Variants in MAPK10 observed in about 807,000 individuals in gnomAD.
MAPK10 encodes the protein mitogen-activated protein kinase 10, also known as JNK3 alpha protein kinase.
Under a neutral mutation model 59.3 loss-of-function variants are expected in MAPK10, and 25 were observed. That is an observed-to-expected ratio of 0.42 (90% CI 0.31 to 0.59). The LOEUF is 0.59. MAPK10 is among the 20% of genes least tolerant of loss of function. The pLI is 0.15. For synonymous variants in MAPK10, 190 were observed against 200.5 expected (o/e 0.95, Z 0.44); for missense variants, 351 against 568.9 (o/e 0.62, Z 3.90).
chr4:86,074,411 T>G lies in MAPK10; in HGVS notation c.803-6456A>C, dbSNP rs769925110. Among the ~76,000 whole-genome samples the G allele has an allele frequency of 9.8e-4, 149 of 151,454 alleles. 1 individual carries two copies. Among genetic ancestry groups the G allele is most frequent in the Admixed American group, 2.6e-3 (39 of 15,240 alleles). On this transcript the variant is annotated intron_variant, in intron 9 of 13. Transcript: ENST00000641462. ...CATTTACATTTAAAGTTAATATTGT[T>G]ATGTGTGAATTTGATTCTGTCATCA...
intron 2 of MAPK10, among the ~76,000 whole-genome samples, chr4:86,282,722 A>G (rs2094856802): frequency 6.6e-6 from 1 of 152,154 alleles, no homozygotes; most frequent in Admixed American, 6.6e-5. Context: ...TTGAAAGCTT[A>G]CTAAGCCTCT....
At chr4:86,122,458 T>C (rs2059419436) in intron 4 of MAPK10, among the ~76,000 whole-genome samples, 1 of 152,150 alleles carries the variant, frequency 6.6e-6, no homozygotes, top group South Asian at 2.1e-4. Flanking sequence ...GTGCTTTGTC[T>C]TCAGGATCAT....
chr4:86,568,133 G>A (rs1017176946), intron 1 of MAPK10, among the ~76,000 whole-genome samples: 1 of 152,064 alleles, frequency 6.6e-6, no homozygotes, highest in African/African-American at 2.4e-5. Flanking sequence ...AAAATCAGTA[G>A]CATTTCTATA....
chr4:86,336,784 CTTTTTTT>C (rs70948788), intron 2 of MAPK10, among the ~76,000 whole-genome samples: 3 of 83,094 alleles, frequency 3.6e-5, no homozygotes, highest in Admixed American at 1.8e-4. Context: ...GGAATGACTC[CTTTTTTT>C]TTTTTTTTTT....
At chr4:86,372,568 G>GAAAGAAAGAAAGA (rs1411901849) in intron 1 of MAPK10, among the ~76,000 whole-genome samples, 644 of 29,062 alleles carry the variant, frequency 0.022, 16 homozygotes, top group Non-Finnish European at 0.048. Flanking sequence ...AAGAAAGAAA[G>GAAAGAAAGAAAGA]AAAAGAAAAG....
At chr4:86,594,030 G>T (rs1275036675) in exon 1 of MAPK10, 1 of 152,278 alleles carries the variant, frequency 6.6e-6, no homozygotes, top group Non-Finnish European at 1.5e-5. Context: ...CACACTGCAG[G>T]CGCTAGGAAC....
intron 2 of MAPK10, among the ~76,000 whole-genome samples, chr4:86,289,071 T>C (rs569120086): frequency 6.6e-6 from 1 of 152,248 alleles, no homozygotes; most frequent in Non-Finnish European, 1.5e-5. Flanking sequence ...TGGTACAGAA[T>C]TATATTTAGA....
chr4:86,356,289 A>G (rs751930317), intron 1 of MAPK10, among the ~76,000 whole-genome samples: 32 of 152,194 alleles, frequency 2.1e-4, no homozygotes, highest in Admixed American at 1.0e-3. Context: ...CATAAGCCTC[A>G]AGGATTTTAC....
At chr4:86,230,100 T>C (rs568382037) in intron 2 of MAPK10, among the ~76,000 whole-genome samples, 1 of 152,312 alleles carries the variant, frequency 6.6e-6, no homozygotes, top group South Asian at 2.1e-4. Context: ...ATAAACACTT[T>C]TGAGTTGTCA....
At chr4:86,272,084 G>A (rs924200551) in intron 2 of MAPK10, among the ~76,000 whole-genome samples, 1 of 152,016 alleles carries the variant, frequency 6.6e-6, no homozygotes, top group African/African-American at 2.4e-5. Context: ...GTGAGTACAT[G>A]CGGTATTTGG....
chr4:86,184,111 G>C (rs2077582317), intron 3 of MAPK10, among the ~76,000 whole-genome samples: 1 of 152,132 alleles, frequency 6.6e-6, no homozygotes, highest in South Asian at 2.1e-4. Flanking sequence ...TCTGATGGTA[G>C]TTTCTTTTGC....
chr4:86,335,471 G>C (rs1332303953), intron 2 of MAPK10, among the ~76,000 whole-genome samples: 1 of 152,182 alleles, frequency 6.6e-6, no homozygotes, highest in Non-Finnish European at 1.5e-5. Flanking sequence ...AGAAATGGCG[G>C]ACTAAAAATA....
chr4:86,546,222 T>A (rs1759143441), intron 1 of MAPK10, among the ~76,000 whole-genome samples: 1 of 148,310 alleles, frequency 6.7e-6, no homozygotes, highest in South Asian at 2.1e-4. Context: ...GACTCTTGTC[T>A]CCAAAAATAA....
At chr4:86,164,971 C>T (rs1281863336) in intron 3 of MAPK10, among the ~76,000 whole-genome samples, 3 of 152,072 alleles carry the variant, frequency 2.0e-5, no homozygotes, top group Non-Finnish European at 4.4e-5. Flanking sequence ...TTTAAAGGGC[C>T]TGATTCTACT....
chr4:86,394,900 T>C (rs1236736850), intron 1 of MAPK10, among the ~76,000 whole-genome samples: 1 of 152,184 alleles, frequency 6.6e-6, no homozygotes, highest in Non-Finnish European at 1.5e-5. Flanking sequence ...GGCCACCCCC[T>C]GGCAAAACTC....
chr4:86,171,939 A>G (rs1216926160), intron 3 of MAPK10, among the ~76,000 whole-genome samples: 2 of 150,900 alleles, frequency 1.3e-5, no homozygotes, highest in East Asian at 3.9e-4. Context: ...TTCTCAAAAG[A>G]AGACATTTAT....
rs1750329667 is a variant in MAPK10, at chr4:86,448,589, C to A, written c.-122+4441G>T. ...TTGTTAACTTTATTCCTAGGTATTTCATGTTTTATTACTATTATAAAAGGG... is the reference window on the plus strand; with the variant it reads ...TTGTTAACTTTATTCCTAGGTATTTAATGTTTTATTACTATTATAAAAGGG... On this transcript the variant is annotated intron_variant, in intron 1 of 13. Coordinates refer to the MAPK10 transcript ENST00000361569. Among the ~76,000 whole-genome samples, 13 of 152,042 alleles carry A rather than the reference C, an allele frequency of 8.6e-5. No individual in the cohort carries two copies. In the South Asian group the frequency reaches 2.7e-3, roughly 32 times the overall value.
At chr4:86,456,875 T>C (rs1371997720), upstream of MAPK10, among the ~76,000 whole-genome samples, 1 of 152,068 alleles carries the variant, frequency 6.6e-6, no homozygotes, top group African/African-American at 2.4e-5. Context: ...TACAGACCAA[T>C]ATCCCTGATG....
intron 1 of MAPK10, among the ~76,000 whole-genome samples, chr4:86,491,511 C>A (rs750818453): frequency 2.2e-4 from 33 of 152,330 alleles, no homozygotes; most frequent in South Asian, 4.1e-4. Flanking sequence ...CTCTTTACTG[C>A]AAGGCTGGGT....
Sources: gnomAD v4.1 joint callset for allele counts (sites outside exome capture counted in the v4.1 genomes callset) on GRCh38, gnomAD v4.1.1 for gene constraint, MANE v1.5 for transcripts, NCBI Gene and HGNC (gene_info 2026-07-23, HGNC 2026-07-21) for gene names.